Variants in GMDS observed in about 807,000 individuals in gnomAD.
GMDS encodes GDP-mannose 4,6-dehydratase, also known as GDP-mannose 4,6 dehydratase.
In GMDS, 20 loss-of-function variants were observed where a neutral mutation model predicts 49.9. The observed-to-expected ratio is 0.40, with a 90% CI of 0.28 to 0.58. The LOEUF is 0.58. Ranked by LOEUF, GMDS falls within the 20% of genes least tolerant of loss-of-function variation. GMDS has a pLI of 0.42. For missense variants in GMDS, 362 were observed against 481.4 expected (o/e 0.75, Z 2.32); for synonymous variants, 177 against 178.6 (o/e 0.99, Z 0.07).
chr6:1,792,142 T>C (rs565782862), intron 7 of GMDS, among the ~76,000 whole-genome samples: 54 of 152,314 alleles, frequency 3.5e-4, no homozygotes, highest in African/African-American at 1.3e-3. Flanking sequence ...CAATTATTAG[T>C]TTCTATATAA....
chr6:2,224,484 T>TA (rs1780733172), intron 1 of GMDS, among the ~76,000 whole-genome samples: 1 of 152,232 alleles, frequency 6.6e-6, no homozygotes, highest in Non-Finnish European at 1.5e-5. Context: ...GCTTCCCAAA[T>TA]AAAGATCTCA....
At chr6:1,817,064 T>C (rs1469669133) in intron 7 of GMDS, among the ~76,000 whole-genome samples, 1 of 148,916 alleles carries the variant, frequency 6.7e-6, no homozygotes, top group South Asian at 2.2e-4. Context: ...CATGACTAGA[T>C]AGAAGCTGGT....
chr6:1,838,781 A>C (rs573625439), intron 7 of GMDS, among the ~76,000 whole-genome samples: 2 of 152,318 alleles, frequency 1.3e-5, no homozygotes, highest in East Asian at 3.9e-4. Flanking sequence ...TAGCCCTATA[A>C]ATCACCTAAT....
intron 4 of GMDS, among the ~76,000 whole-genome samples, chr6:2,039,855 A>C (rs1256589903): frequency 6.6e-6 from 1 of 152,198 alleles, no homozygotes; most frequent in Non-Finnish European, 1.5e-5. Flanking sequence ...GAAAAAGTAT[A>C]ATAAGCACAT....
chr6:1,993,730 C>G (rs1373191710), intron 4 of GMDS, among the ~76,000 whole-genome samples: 1 of 101,680 alleles, frequency 9.8e-6, no homozygotes, highest in Non-Finnish European at 2.0e-5. Flanking sequence ...TTTAATGACT[C>G]CTTCTCTAAA....
intron 7 of GMDS, among the ~76,000 whole-genome samples, chr6:1,872,224 C>CT (rs1758796632): frequency 6.6e-6 from 1 of 152,184 alleles, no homozygotes; most frequent in Non-Finnish European, 1.5e-5. Context: ...GCACATCCAC[C>CT]GGGCTGGCTA....
chr6:1,652,700 A>T lies in GMDS; in HGVS notation c.988-28160T>A, dbSNP rs1483550264. 5.0e-3 allele frequency among the ~76,000 whole-genome samples: 3 copies of T among 606 alleles called. 1 individual carries two copies. The highest frequency in any genetic ancestry group is 8.7e-3 in the African/African-American group (3 of 344). The allele number at this position is 606 out of a possible 152,430, so 0.4% of individuals were successfully genotyped here. On this transcript the variant is annotated intron_variant, in intron 9 of 10. Transcript: ENST00000380815. ...ATATATTATTTATATATAATATATT[A>T]TATATATATATATATATATAGAGAG...
intron 1 of GMDS, among the ~76,000 whole-genome samples, chr6:2,206,144 GC>G (rs1241176115): frequency 6.6e-6 from 1 of 152,068 alleles, no homozygotes. Flanking sequence ...TGTAATCCCA[GC>G]TACTCAGGAG....
intron 4 of GMDS, among the ~76,000 whole-genome samples, chr6:2,042,759 A>G (rs1769761842): frequency 6.6e-6 from 1 of 152,194 alleles, no homozygotes; most frequent in African/African-American, 2.4e-5. Flanking sequence ...AAAGAAATCA[A>G]AAACACATGA....
intron 7 of GMDS, among the ~76,000 whole-genome samples, chr6:1,877,213 C>T (rs1316027516): frequency 6.6e-6 from 1 of 151,786 alleles, no homozygotes. Context: ...AGTTGAACCA[C>T]TGGTGGAAAA....
chr6:2,134,695 G>A (rs762309150), intron 1 of GMDS, among the ~76,000 whole-genome samples: 1 of 152,080 alleles, frequency 6.6e-6, no homozygotes, highest in Non-Finnish European at 1.5e-5. Flanking sequence ...TAATATTTAT[G>A]ATATATCTTG....
chr6:2,241,653 C>T (rs1781620441), intron 1 of GMDS, among the ~76,000 whole-genome samples: 1 of 152,166 alleles, frequency 6.6e-6, no homozygotes, highest in Non-Finnish European at 1.5e-5. Flanking sequence ...CCTGGCACCC[C>T]ACACCCCACC....
At chr6:2,075,977 T>A (rs1425561291) in intron 4 of GMDS, among the ~76,000 whole-genome samples, 3 of 152,164 alleles carry the variant, frequency 2.0e-5, no homozygotes, top group African/African-American at 7.2e-5. Flanking sequence ...TATCTCACTG[T>A]GGTTTTGATT....
At chr6:2,016,739 T>C (rs1767924793) in intron 4 of GMDS, among the ~76,000 whole-genome samples, 1 of 151,950 alleles carries the variant, frequency 6.6e-6, no homozygotes, top group Admixed American at 6.6e-5. Flanking sequence ...TCAACAACAA[T>C]AGAATCAAAC....
At chr6:1,738,785 A>G (rs751872690) in intron 8 of GMDS, among the ~76,000 whole-genome samples, 11 of 152,218 alleles carry the variant, frequency 7.2e-5, no homozygotes, top group Non-Finnish European at 1.3e-4. Context: ...CTAAGACTCA[A>G]ATCAATCGCT....
chr6:1,979,931 A>T (rs185569384), intron 4 of GMDS, among the ~76,000 whole-genome samples: 31 of 152,256 alleles, frequency 2.0e-4, no homozygotes, highest in African/African-American at 7.0e-4. Context: ...CTAGAATTTC[A>T]TATCTGTCCA....
chr6:2,192,847 T>TGCCAG (rs1779107001), intron 1 of GMDS, among the ~76,000 whole-genome samples: 2 of 152,210 alleles, frequency 1.3e-5, no homozygotes, highest in Non-Finnish European at 2.9e-5. Flanking sequence ...AAGTGCAGCC[T>TGCCAG]GCCAGGCCAA....
rs1187375765 is a variant in GMDS at position 2,022,909 on chromosome 6, T to C, written c.346-61943A>G. 3.3e-5 allele frequency among the ~76,000 whole-genome samples: 5 copies of C among 152,212 alleles called. No individual in the cohort carries two copies. In the East Asian group the frequency reaches 7.7e-4, roughly 23 times the overall value. On this transcript the variant is annotated intron_variant, in intron 4 of 10. Coordinates refer to ENST00000380815, the MANE Select transcript of GMDS (RefSeq NM_001500.4). ...AGGAATAATAAAAACTGTTCAGGCA[T>C]GTGTCTTTTAAGAATTGTGTGTTAA... is the stretch of plus-strand genomic sequence containing the variant.
chr6:1,731,264 T>A (rs2113455236), intron 8 of GMDS, among the ~76,000 whole-genome samples: 1 of 152,324 alleles, frequency 6.6e-6, no homozygotes, highest in Middle Eastern at 3.4e-3. Context: ...GCAGTCAGTA[T>A]AACAGGATTT....
Sources: gnomAD v4.1 joint callset for allele counts (sites outside exome capture counted in the v4.1 genomes callset) on GRCh38, gnomAD v4.1.1 for gene constraint, MANE v1.5 for transcripts, NCBI Gene and HGNC (gene_info 2026-07-23, HGNC 2026-07-21) for gene names.